HELQ: variants seen among roughly 807,000 people sequenced by gnomAD.
The protein encoded by HELQ is helicase POLQ-like.
A neutral mutation model predicts 111.6 loss-of-function variants in HELQ; 77 were observed. The ratio of observed to expected loss-of-function variants is 0.69; its 90% CI spans 0.57 to 0.83. The LOEUF (loss-of-function observed/expected upper bound fraction) is 0.83, where lower values mean the gene tolerates loss of function less well. Among genes scored for constraint, HELQ ranks in the 40% least tolerant of loss-of-function variants. The pLI, the probability that HELQ is intolerant of heterozygous loss-of-function variation, is 0.00. For missense variants in HELQ, 1,200 were observed against 1,288.5 expected, an observed-to-expected ratio of 0.93 and a Z score of 1.05; for synonymous variants, 438 against 454.7, an observed-to-expected ratio of 0.96 and a Z score of 0.47.
rs997098009 is a variant in HELQ at position 83,446,833 on chromosome 4, A to G, written c.1392+2T>C. ...TGACAAATTACAAAAGTATTAACCAACCTCGTCTACAACAACCAGACCCAG... is the reference window on the plus strand; with the variant it reads ...TGACAAATTACAAAAGTATTAACCAGCCTCGTCTACAACAACCAGACCCAG... On this transcript the variant is annotated splice_donor_variant, in intron 4 of 17. Coordinates refer to ENST00000295488, the MANE Select transcript of HELQ (RefSeq NM_133636.5). LOFTEE classifies it high-confidence loss of function. 7.5e-6 allele frequency: 12 copies of G among 1,593,898 alleles called. No homozygotes were observed. The highest frequency in any genetic ancestry group is 1.7e-5 in the Admixed American group (1 of 59,208).
chr4:83,454,687 A>T (rs1721641299), intron 1 of HELQ, among the ~76,000 whole-genome samples: 1 of 151,478 alleles, frequency 6.6e-6, no homozygotes. Flanking sequence ...TCTGCCTCCT[A>T]AAGCACTGGG....
At chr4:83,454,070 G>A (rs1721574483) in intron 1 of HELQ, 125 bp from the exon 2 acceptor site, 1 of 670,538 alleles carries the variant, frequency 1.5e-6, no homozygotes, top group Non-Finnish European at 2.6e-6. Context: ...CGGGCATAGT[G>A]GCATGCTCCT....
chr4:83,449,013 C>T, intron 2 of HELQ, 52 bp from the exon 3 acceptor site: 1 of 1,345,230 alleles, frequency 7.4e-7, no homozygotes, highest in Non-Finnish European at 1.0e-6. Context: ...AACTTTGAAA[C>T]TCAAAAGTTT....
chr4:83,433,289 A>G (rs1261810148), intron 9 of HELQ, among the ~76,000 whole-genome samples: 1 of 152,208 alleles, frequency 6.6e-6, no homozygotes, highest in African/African-American at 2.4e-5. Context: ...ACAAAACCAG[A>G]TAATATAGGG....
chr4:83,455,366 T>C (rs772322101), intron 1 of HELQ, 31 bp downstream of exon 1: 1 of 1,598,884 alleles, frequency 6.3e-7, no homozygotes, highest in Non-Finnish European at 8.6e-7. Flanking sequence ...ATGCCAAAAG[T>C]TTGCAGTTTC....
intron 15 of HELQ, 63 bp from the exon 16 acceptor site, chr4:83,418,269 T>G: frequency 1.1e-6 from 1 of 877,632 alleles, no homozygotes; most frequent in South Asian, 1.7e-5. Context: ...GTTTGGTTTG[T>G]GTGATAGGGG....
At position 83,426,027 on chromosome 4, in the gene HELQ, A is replaced by C. The variant is rs2109980114; in HGVS notation, c.2742T>G (p.Ile914Met). The stretch of plus-strand genomic sequence containing the variant: ...TGGCTTGGCCTGATGCTTTCTTCCC[A>C]ATAAAGCTTTCAGAGACTCCAAGAA... ...AAILGVSESF[I>M]GKKASGQAIG... Residue 914 changes from isoleucine (I) to methionine (M), a missense_variant, in exon 14 of 18, where the codon ATT becomes ATG. Physicochemically the swap from Ile to Met is conservative, Grantham distance 10 (BLOSUM62 1). Transcript: ENST00000295488. 1.9e-6 allele frequency: 3 copies of C among 1,610,260 alleles called. No individual in the cohort carries two copies. Among genetic ancestry groups the C allele is most frequent in the Non-Finnish European group, 2.5e-6 (3 of 1,176,856 alleles).
chr4:83,450,222 TA>T (rs71668650), intron 2 of HELQ, among the ~76,000 whole-genome samples: 50 of 45,596 alleles, frequency 1.1e-3, no homozygotes, highest in East Asian at 2.2e-3. Flanking sequence ...CAGTTAAGTT[TA>T]AAAAAAAAAA....
chr4:83,426,699 G>A (rs1220305402), intron 13 of HELQ, among the ~76,000 whole-genome samples: 1 of 152,000 alleles, frequency 6.6e-6, no homozygotes, highest in Non-Finnish European at 1.5e-5. Context: ...GAGTAGCTGG[G>A]ACTACTGGTG....
At chr4:83,430,839 G>A (rs1720103767) in intron 11 of HELQ, among the ~76,000 whole-genome samples, 1 of 151,564 alleles carries the variant, frequency 6.6e-6, no homozygotes, top group African/African-American at 2.4e-5. Flanking sequence ...CTTTGTTTTT[G>A]TACTGTTTCC....
intron 6 of HELQ, among the ~76,000 whole-genome samples, chr4:83,441,770 C>CTT (rs34655032): frequency 2.3e-4 from 28 of 123,816 alleles, no homozygotes; most frequent in Non-Finnish European, 2.6e-4. Context: ...AAAACTTTGT[C>CTT]TTTTTTTTTT....
chr4:83,410,850 C>T (rs1739047148), intron 17 of HELQ, among the ~76,000 whole-genome samples: 1 of 151,938 alleles, frequency 6.6e-6, no homozygotes, highest in Non-Finnish European at 1.5e-5. Flanking sequence ...AGCATCCACA[C>T]TGTAAGAAAG....
At chr4:83,415,937 G>A (rs1424975386) in intron 17 of HELQ, among the ~76,000 whole-genome samples, 12 of 133,806 alleles carry the variant, frequency 9.0e-5, no homozygotes, top group Non-Finnish European at 1.3e-4. Flanking sequence ...GTGAGCCACC[G>A]AACCCAGCCA....
chr4:83,413,343 T>G (rs1224635942), intron 17 of HELQ, among the ~76,000 whole-genome samples: 2 of 152,174 alleles, frequency 1.3e-5, no homozygotes, highest in African/African-American at 4.8e-5. Flanking sequence ...GATTGCTTGT[T>G]TTTTTGGGGA....
intron 14 of HELQ, among the ~76,000 whole-genome samples, chr4:83,423,365 A>C (rs1719643393): frequency 6.6e-6 from 1 of 152,154 alleles, no homozygotes; most frequent in African/African-American, 2.4e-5. Context: ...TACGGTGACA[A>C]ATTGAAGGAT....
intron 9 of HELQ, among the ~76,000 whole-genome samples, chr4:83,435,912 T>A: frequency 6.7e-6 from 1 of 148,564 alleles, no homozygotes; most frequent in East Asian, 2.0e-4. Context: ...GTCTGAAAAA[T>A]GGAAAACTTA....
chr4:83,414,738 G>T (rs2109964194), intron 17 of HELQ, among the ~76,000 whole-genome samples: 1 of 152,272 alleles, frequency 6.6e-6, no homozygotes, highest in African/African-American at 2.4e-5. Flanking sequence ...ATCCAGAAGG[G>T]ATAATGAAGT....
At chr4:83,425,637 C>A (rs1719810176) in intron 14 of HELQ, among the ~76,000 whole-genome samples, 1 of 152,082 alleles carries the variant, frequency 6.6e-6, no homozygotes, top group South Asian at 2.1e-4. Flanking sequence ...AAAACCCAGA[C>A]CTGTCCTATC....
intron 5 of HELQ, among the ~76,000 whole-genome samples, chr4:83,444,185 A>T (rs1226762525): frequency 6.6e-6 from 1 of 152,228 alleles, no homozygotes; most frequent in Non-Finnish European, 1.5e-5. Context: ...AAGGCTTCTA[A>T]ACAATAATAA....
Sources: allele counts gnomAD v4.1 joint callset (sites outside exome capture counted in the v4.1 genomes callset), GRCh38; gene constraint gnomAD v4.1.1; transcripts MANE v1.5; gene names NCBI Gene and HGNC (gene_info 2026-07-23, HGNC 2026-07-21).